The following TJP1 variants were observed in gnomAD, a reference collection of about 807,000 sequenced individuals.
TJP1 encodes tight junction protein 1, also known as tight junction protein ZO-1.
Under a neutral mutation model 194.2 loss-of-function variants are expected in TJP1, and 43 were observed. The observed-to-expected ratio is 0.22, with a 90% confidence interval of 0.17 to 0.29. The LOEUF (loss-of-function observed/expected upper bound fraction) is 0.29, where lower values mean the gene tolerates loss of function less well. TJP1 is among the 10% of genes least tolerant of loss of function. TJP1 has a pLI of 1.00. For missense variants in TJP1, 1,971 were observed against 2,185.7 expected (o/e 0.90, Z 1.96); for synonymous variants, 801 against 779.0 (o/e 1.03, Z -0.47).
intron 23 of TJP1, among the ~76,000 whole-genome samples, chr15:29,713,408 G>A (rs1338891931): frequency 6.6e-6 from 1 of 152,192 alleles, no homozygotes; most frequent in African/African-American, 2.4e-5. Context: ...GTTAGACTGG[G>A]TAATATCTGC....
At position 29,802,935 on chromosome 15, in the gene TJP1, G is replaced by T. The variant is rs114597293; in HGVS notation, c.28-2233C>A. On this transcript the variant is annotated intron_variant, in intron 1 of 27. Coordinates refer to ENST00000614355, the MANE Select transcript of TJP1 (RefSeq NM_001330239.4). ...GAAACAGTTCATCATCCTCTCTAAG[G>T]TCTTAATGAACACAGTTTTCCATTT... 4.7e-3 allele frequency among the ~76,000 whole-genome samples: 716 copies of T among 152,154 alleles called. 9 individuals carry two copies. The highest frequency in any genetic ancestry group is 0.017 in the African/African-American group (700 of 41,518).
chr15:29,769,328 C>G (rs901563790), intron 4 of TJP1, among the ~76,000 whole-genome samples: 4 of 152,142 alleles, frequency 2.6e-5, no homozygotes, highest in Admixed American at 6.5e-5. Context: ...AGATTTAAGA[C>G]CTGTTGAAAA....
Position 29,887,643 on chromosome 15 carries a change from T to C in TJP1, c.306+68589A>G, listed in dbSNP as rs1304199618. Among the ~76,000 whole-genome samples the C allele has an allele frequency of 2.0e-5, 3 of 152,142 alleles. No homozygotes were observed. In the East Asian group the frequency reaches 5.8e-4, roughly 29 times the overall value. On this transcript the variant is annotated intron_variant, in intron 2 of 28. Transcript: ENST00000356107. ...ATCACTTCTAGGAAAAAAAATGACT[T>C]TCTAAGCTAAAAAATAATAGAAGAA...
In TJP1 at chr15:29,762,322, A is replaced by C. The variant is rs1314803485; in HGVS notation, c.693+13T>G. 2 of 1,595,744 alleles carry C rather than the reference A, an allele frequency of 1.3e-6. No individual in the cohort carries two copies. The highest frequency in any genetic ancestry group is 1.7e-5 in the Admixed American group (1 of 59,220). On this transcript the variant is annotated intron_variant, in intron 6 of 27. Transcript: ENST00000614355. Reference sequence around the variant, plus strand: ...CTATTTCAGTTCATTAAAAAGTAAGAATATGATTATACCTTCAATACAACA... The same window carrying C: ...CTATTTCAGTTCATTAAAAAGTAAGCATATGATTATACCTTCAATACAACA...
intron 1 of TJP1, among the ~76,000 whole-genome samples, chr15:29,967,662 T>C (rs374558951): frequency 4.6e-5 from 7 of 152,236 alleles, no homozygotes; most frequent in East Asian, 3.8e-4. Context: ...CATCTTTTTC[T>C]TGGCTGATCA....
intron 2 of TJP1, among the ~76,000 whole-genome samples, chr15:29,866,917 A>G (rs1310079201): frequency 6.6e-6 from 1 of 152,136 alleles, no homozygotes. Flanking sequence ...AAGGACCCAC[A>G]AGAGCCACCG....
chr15:29,789,202 G>C (rs1228609138), intron 2 of TJP1, among the ~76,000 whole-genome samples: 1 of 152,068 alleles, frequency 6.6e-6, no homozygotes, highest in Admixed American at 6.5e-5. Context: ...ACTGGGCGGT[G>C]CTGTTGTAGA....
intron 2 of TJP1, among the ~76,000 whole-genome samples, chr15:29,902,253 T>C (rs1486603058): frequency 6.6e-6 from 1 of 152,138 alleles, no homozygotes; most frequent in Non-Finnish European, 1.5e-5. Flanking sequence ...TTCCACTGCA[T>C]TCTCTTCCTC....
intron 11 of TJP1, among the ~76,000 whole-genome samples, chr15:29,735,998 T>C: frequency 6.6e-6 from 1 of 152,206 alleles, no homozygotes; most frequent in Non-Finnish European, 1.5e-5. Flanking sequence ...GTTACCAACA[T>C]TCTCCAAGTT....
rs2042577354 is a variant in TJP1, at chr15:29,716,583, T to C, written c.4202+28A>G. 5.2e-6 allele frequency: 8 copies of C among 1,548,066 alleles called. No individual in the cohort carries two copies. The South Asian group carries it at 5.6e-5, about 11-fold the overall frequency. On this transcript the variant is annotated intron_variant, in intron 23 of 27. Transcript: ENST00000614355. ...CACGGGATTAATATGCTGCATCCTA[T>C]TTTTAAAAGCCAGGTGAAATAGCTT...
intron 2 of TJP1, among the ~76,000 whole-genome samples, chr15:29,798,009 T>A (rs2048527136): frequency 6.6e-6 from 1 of 152,214 alleles, no homozygotes; most frequent in Non-Finnish European, 1.5e-5. Flanking sequence ...GGTCTTGCTC[T>A]GTTGCCCAGG....
intron 2 of TJP1, among the ~76,000 whole-genome samples, chr15:29,795,003 TATAA>T (rs973048703): frequency 3.5e-4 from 53 of 152,244 alleles, no homozygotes; most frequent in African/African-American, 1.2e-3. Context: ...AAATTACCAA[TATAA>T]ATAATGAAAC....
intron 1 of TJP1, among the ~76,000 whole-genome samples, chr15:29,815,997 T>G (rs2049888919): frequency 6.6e-6 from 1 of 151,868 alleles, no homozygotes; most frequent in African/African-American, 2.4e-5. Context: ...TTCCACCTCA[T>G]TATTTATTGG....
chr15:29,867,749 C>T (rs914528149), intron 2 of TJP1, among the ~76,000 whole-genome samples: 3 of 152,172 alleles, frequency 2.0e-5, no homozygotes, highest in Admixed American at 6.5e-5. Context: ...GAGACCCTGT[C>T]CCTGCAAAAC....
At chr15:29,886,333 C>T (rs1407466491) in intron 2 of TJP1, among the ~76,000 whole-genome samples, 2 of 151,418 alleles carry the variant, frequency 1.3e-5, no homozygotes, top group Admixed American at 6.6e-5. Context: ...CAGATTCAGG[C>T]CAATGTTAAA....
rs1213009901 is a variant in TJP1, at chr15:29,903,897, C to T, written c.306+52335G>A. On this transcript the variant is annotated intron_variant, in intron 2 of 28. Coordinates refer to the TJP1 transcript ENST00000356107. ...TTGCTTGTAAAAATCCAAATAAAGACGTATTTGTAGAGGGCAACCTGAAGG... is the reference window on the plus strand; with the variant it reads ...TTGCTTGTAAAAATCCAAATAAAGATGTATTTGTAGAGGGCAACCTGAAGG... Among the ~76,000 whole-genome samples the T allele has an allele frequency of 2.0e-5, 3 of 152,276 alleles. 1 individual carries two copies. Among genetic ancestry groups the T allele is most frequent in the East Asian group, 3.9e-4 (2 of 5,184 alleles).
chr15:29,743,554 T>C (rs2044565930), intron 8 of TJP1, among the ~76,000 whole-genome samples: 1 of 152,114 alleles, frequency 6.6e-6, no homozygotes, highest in Non-Finnish European at 1.5e-5. Context: ...GCAAATTCCA[T>C]ACTCTGTAAA....
rs1244012405 is a variant in TJP1 at position 29,742,718 on chromosome 15, A to G, written c.1074T>C (p.His358=). Residue 358 remains histidine (H), a synonymous_variant, in exon 9 of 28, where the codon CAT becomes CAC. Transcript: ENST00000614355. ...KPGAVSTPVK[H]ADDHTPKTVE... is the part of the protein sequence containing the mutation. Reference sequence around the variant, plus strand: ...CTGTTTTAGGTGTGTGATCATCAGCATGCTTTACAGGAGTTGAGACAGCCC... The same window carrying G: ...CTGTTTTAGGTGTGTGATCATCAGCGTGCTTTACAGGAGTTGAGACAGCCC... The G allele has an allele frequency of 2.5e-6, 4 of 1,609,896 alleles. No individual in the cohort carries two copies. Among genetic ancestry groups the G allele is most frequent in the Non-Finnish European group, 8.5e-7 (1 of 1,178,408 alleles).
At position 29,718,581 on chromosome 15, in the gene TJP1, C is replaced by T. The variant is rs775017324; in HGVS notation, c.3561G>A (p.Glu1187=). The T allele has an allele frequency of 6.2e-7, 1 of 1,614,158 alleles. No homozygotes were observed. The highest frequency in any genetic ancestry group is 8.5e-7 in the Non-Finnish European group (1 of 1,180,040). Residue 1187 remains glutamate, a synonymous_variant, in exon 21 of 28, where the codon GAG becomes GAA. Coordinates refer to ENST00000614355, the MANE Select transcript of TJP1 (RefSeq NM_001330239.4). ...PHPSAGPKPA[E]SKQYFEQYSR... is the part of the protein sequence containing the mutation. ...AATATTGCTCAAAATACTGCTTGGA[C>T]TCTGCAGGCTTGGGCCCTGCTGAAG...
Sources: gnomAD v4.1 joint callset for allele counts (sites outside exome capture counted in the v4.1 genomes callset) on GRCh38, gnomAD v4.1.1 for gene constraint, MANE v1.5 for transcripts, NCBI Gene and HGNC (gene_info 2026-07-23, HGNC 2026-07-21) for gene names.